DPP10: variants seen among roughly 807,000 people sequenced by gnomAD.
The protein encoded by DPP10 is dipeptidyl peptidase like 10, also known as inactive dipeptidyl peptidase 10.
A neutral mutation model predicts 120.9 loss-of-function variants in DPP10; 33 were observed. The ratio of observed to expected loss-of-function variants is 0.27; its 90% CI spans 0.21 to 0.37. DPP10 has a LOEUF of 0.37. Among genes scored for constraint, DPP10 ranks in the 10% least tolerant of loss-of-function variants. The pLI is 1.00. For missense variants in DPP10, 816 were observed against 942.8 expected, an observed-to-expected ratio of 0.87 and a Z score of 1.76; for synonymous variants, 337 against 326.1, an observed-to-expected ratio of 1.03 and a Z score of -0.36.
chr2:115,793,929 T>C (rs994718142), intron 19 of DPP10, among the ~76,000 whole-genome samples: 5 of 152,116 alleles, frequency 3.3e-5, no homozygotes, highest in Non-Finnish European at 7.4e-5. Flanking sequence ...TAAAACACTA[T>C]GCTTGAAAAC....
At chr2:115,377,543 G>A (rs1477868687) in intron 3 of DPP10, among the ~76,000 whole-genome samples, 2 of 152,090 alleles carry the variant, frequency 1.3e-5, no homozygotes, top group African/African-American at 2.4e-5. Flanking sequence ...CTGTGAAGAA[G>A]CTCTTTAGTT....
At chr2:115,531,207 TC>T (rs2078445719) in intron 5 of DPP10, among the ~76,000 whole-genome samples, 1 of 151,350 alleles carries the variant, frequency 6.6e-6, no homozygotes. Flanking sequence ...CATAGCAGCA[TC>T]AGCATAGCCT....
At chr2:115,587,810 T>A (rs1401429365) in intron 5 of DPP10, among the ~76,000 whole-genome samples, 1 of 152,250 alleles carries the variant, frequency 6.6e-6, no homozygotes, top group Non-Finnish European at 1.5e-5. Context: ...CATTTTTCTT[T>A]CAGCTTGCTA....
At chr2:114,635,933 T>G (rs535062468) in intron 1 of DPP10, among the ~76,000 whole-genome samples, 10 of 151,938 alleles carry the variant, frequency 6.6e-5, no homozygotes, top group African/African-American at 2.2e-4. Flanking sequence ...TTTGTTAATA[T>G]CACATTCTTG....
At chr2:114,446,811 A>G (rs1677968249) in intron 1 of DPP10, among the ~76,000 whole-genome samples, 1 of 152,192 alleles carries the variant, frequency 6.6e-6, no homozygotes. Flanking sequence ...TGCTACTTCT[A>G]ATCCATAGCC....
intron 7 of DPP10, among the ~76,000 whole-genome samples, chr2:115,703,339 G>C (rs987238849): frequency 6.6e-6 from 1 of 151,952 alleles, no homozygotes; most frequent in Non-Finnish European, 1.5e-5. Flanking sequence ...ACTGAGGTAT[G>C]TCAAGTGTAT....
intron 4 of DPP10, among the ~76,000 whole-genome samples, chr2:115,505,284 T>G (rs2076881949): frequency 6.6e-6 from 1 of 152,042 alleles, no homozygotes; most frequent in Non-Finnish European, 1.5e-5. Context: ...ACTAAATTGT[T>G]TCCTTCAGAT....
chr2:114,780,067 C>T (rs1033286038), intron 1 of DPP10, among the ~76,000 whole-genome samples: 3 of 151,834 alleles, frequency 2.0e-5, no homozygotes, highest in Non-Finnish European at 4.4e-5. Context: ...ACCCGGGAGG[C>T]GTAGCTTGCA....
At chr2:115,213,630 G>A (rs796792207) in intron 1 of DPP10, among the ~76,000 whole-genome samples, 2 of 152,114 alleles carry the variant, frequency 1.3e-5, no homozygotes, top group African/African-American at 4.8e-5. Context: ...CTACATTATT[G>A]TTTATAATTT....
At chr2:115,371,445 C>T (rs2065405047) in intron 3 of DPP10, among the ~76,000 whole-genome samples, 1 of 152,116 alleles carries the variant, frequency 6.6e-6, no homozygotes, top group South Asian at 2.1e-4. Context: ...TTATAAAACA[C>T]CACTTGAAGA....
intron 4 of DPP10, among the ~76,000 whole-genome samples, chr2:115,523,630 T>C (rs933453072): frequency 6.6e-6 from 1 of 152,062 alleles, no homozygotes; most frequent in Non-Finnish European, 1.5e-5. Flanking sequence ...AACATTTCCT[T>C]AAAAACAATA....
chr2:115,635,502 C>T (rs2149332156), intron 5 of DPP10, among the ~76,000 whole-genome samples: 1 of 152,336 alleles, frequency 6.6e-6, no homozygotes, highest in East Asian at 1.9e-4. Flanking sequence ...TTTCCTTACT[C>T]TCCGTAGGTC....
At chr2:114,729,788 T>G (rs144458338) in intron 1 of DPP10, among the ~76,000 whole-genome samples, 4 of 152,348 alleles carry the variant, frequency 2.6e-5, no homozygotes, top group African/African-American at 9.6e-5. Context: ...TATCTTGCTA[T>G]GGATATGTGG....
At chr2:115,537,402 G>A (rs1297246055) in intron 5 of DPP10, among the ~76,000 whole-genome samples, 1 of 152,020 alleles carries the variant, frequency 6.6e-6, no homozygotes, top group Non-Finnish European at 1.5e-5. Flanking sequence ...AAAAAGTAAA[G>A]TGAGTCCCTA....
At chr2:115,642,530 A>G (rs1385115359) in intron 5 of DPP10, among the ~76,000 whole-genome samples, 6 of 152,148 alleles carry the variant, frequency 3.9e-5, no homozygotes, top group African/African-American at 1.4e-4. Context: ...TGCAGTCTCC[A>G]GGGACAATAG....
intron 1 of DPP10, among the ~76,000 whole-genome samples, chr2:115,257,169 T>C (rs2105720929): frequency 6.6e-6 from 1 of 152,360 alleles, no homozygotes; most frequent in African/African-American, 2.4e-5. Context: ...CCTGTTTTCT[T>C]CTGAGCCCTT....
chr2:114,658,405 G>T (rs545941193), intron 1 of DPP10, among the ~76,000 whole-genome samples: 1 of 152,092 alleles, frequency 6.6e-6, no homozygotes, highest in Non-Finnish European at 1.5e-5. Context: ...TGGCAAATAA[G>T]TTTCAAAAGT....
intron 8 of DPP10, among the ~76,000 whole-genome samples, chr2:115,731,378 G>A (rs1292828696): frequency 6.7e-6 from 1 of 149,580 alleles, no homozygotes. Context: ...ATTTAACTGG[G>A]TGGGGTGGTG....
At chr2:115,546,766 C>T (rs2079526729) in intron 5 of DPP10, among the ~76,000 whole-genome samples, 1 of 152,068 alleles carries the variant, frequency 6.6e-6, no homozygotes, top group Non-Finnish European at 1.5e-5. Context: ...TCTGGGAAGA[C>T]TCATCAAAGT....
Sources: allele counts gnomAD v4.1 joint callset (sites outside exome capture counted in the v4.1 genomes callset), GRCh38; gene constraint gnomAD v4.1.1; transcripts MANE v1.5; gene names NCBI Gene and HGNC (gene_info 2026-07-23, HGNC 2026-07-21).